NRXN3: variants seen among roughly 807,000 people sequenced by gnomAD.
The protein encoded by NRXN3 is neurexin 3.
NRXN3 carries 32 observed loss-of-function variants against 137.6 expected under a neutral mutation model. The observed-to-expected ratio is 0.23, with a 90% CI of 0.18 to 0.31. NRXN3 has a LOEUF of 0.31. Ranked by LOEUF, NRXN3 falls within the 10% of genes least tolerant of loss-of-function variation. The pLI, the probability that NRXN3 is intolerant of heterozygous loss-of-function variation, is 1.00. For synonymous variants in NRXN3, 798 were observed against 784.5 expected, an observed-to-expected ratio of 1.02 and a Z score of -0.29; for missense variants, 1,574 against 2,062.5, an observed-to-expected ratio of 0.76 and a Z score of 4.59.
intron 10 of NRXN3, among the ~76,000 whole-genome samples, chr14:78,881,257 A>C (rs1411256690): frequency 1.3e-5 from 2 of 151,722 alleles, no homozygotes; most frequent in Admixed American, 1.3e-4. Context: ...AATTGGCACC[A>C]GGTAGTGGGA....
At chr14:78,953,856 C>T (rs1410302726) in intron 10 of NRXN3, among the ~76,000 whole-genome samples, 1 of 152,082 alleles carries the variant, frequency 6.6e-6, no homozygotes, top group African/African-American at 2.4e-5. Flanking sequence ...CATAACTTTC[C>T]TAGTTATTAA....
At chr14:79,358,963 G>A (rs536234773) in intron 15 of NRXN3, among the ~76,000 whole-genome samples, 1 of 152,328 alleles carries the variant, frequency 6.6e-6, no homozygotes, top group Admixed American at 6.5e-5. Flanking sequence ...GGAGATGGGA[G>A]GAAGCTACGG....
chr14:78,317,844 A>C (rs1420576963), intron 4 of NRXN3, among the ~76,000 whole-genome samples: 2 of 152,212 alleles, frequency 1.3e-5, no homozygotes, highest in Non-Finnish European at 2.9e-5. Flanking sequence ...AATAAAGATA[A>C]AAAGATCATA....
chr14:79,144,783 C>T (rs2059139576), intron 15 of NRXN3, among the ~76,000 whole-genome samples: 1 of 152,048 alleles, frequency 6.6e-6, no homozygotes, highest in African/African-American at 2.4e-5. Flanking sequence ...CTTCTTCCCT[C>T]TTTATATCTC....
chr14:78,807,774 A>G lies in NRXN3; in HGVS notation c.2249-2544A>G, dbSNP rs989953593. On this transcript the variant is annotated intron_variant, in intron 9 of 20. Coordinates refer to ENST00000335750, the MANE Select transcript of NRXN3 (RefSeq NM_001330195.2). ...AAAAAAAGAAAGAAAAGAAAAAGAA[A>G]GAGAAAGAAAGAAAAAAACTTTCTA... is the stretch of plus-strand genomic sequence containing the variant. Among the ~76,000 whole-genome samples the G allele has an allele frequency of 8.5e-4, 10 of 11,812 alleles. No homozygotes were observed. In the Non-Finnish European group the frequency reaches 0.052, roughly 61 times the overall value. The allele number at this position is 11,812 out of a possible 152,430, so 7.7% of individuals were successfully genotyped here. A position where few individuals can be genotyped will look rare whatever the true frequency, so the allele number is the denominator to read the frequency against.
At chr14:78,988,378 T>C in intron 15 of NRXN3, 1 of 501,382 alleles carries the variant, frequency 2.0e-6, no homozygotes, top group Non-Finnish European at 3.6e-6. Context: ...TTCTTTAGAT[T>C]AGAATAGCGA....
At chr14:78,452,972 G>A (rs1046407299) in intron 4 of NRXN3, among the ~76,000 whole-genome samples, 1 of 152,192 alleles carries the variant, frequency 6.6e-6, no homozygotes, top group African/African-American at 2.4e-5. Flanking sequence ...GAATGCGAAA[G>A]TTACATTTTC....
At chr14:78,297,975 C>T (rs1026184310) in intron 4 of NRXN3, 115 bp downstream of exon 4, 18 of 1,260,422 alleles carry the variant, frequency 1.4e-5, no homozygotes, top group South Asian at 9.4e-5. Flanking sequence ...GTCCTTCCTG[C>T]GCTGGGCCAG....
rs60310618 is a variant in NRXN3 at position 78,532,030 on chromosome 14, C to T, written c.758-113090C>T. On this transcript the variant is annotated intron_variant, in intron 4 of 20. Coordinates refer to ENST00000335750, the MANE Select transcript of NRXN3 (RefSeq NM_001330195.2). Reference sequence around the variant, plus strand: ...TGCTTCATGGAGAAAACTGGCTAGGCGTGGTGGCTCATGCCTGTAATCCCA... The same window carrying T: ...TGCTTCATGGAGAAAACTGGCTAGGTGTGGTGGCTCATGCCTGTAATCCCA... 8.5e-3 allele frequency among the ~76,000 whole-genome samples: 1,284 copies of T among 151,648 alleles called. 15 individuals carry two copies. Among genetic ancestry groups the T allele is most frequent in the African/African-American group, 0.029 (1,203 of 41,290 alleles).
chr14:79,394,574 A>G (rs1221762691), intron 15 of NRXN3, among the ~76,000 whole-genome samples: 1 of 152,184 alleles, frequency 6.6e-6, no homozygotes, highest in Non-Finnish European at 1.5e-5. Flanking sequence ...TTAACCTGGG[A>G]TGCATGTTAA....
At chr14:78,956,485 T>C (rs2099397003) in intron 10 of NRXN3, among the ~76,000 whole-genome samples, 1 of 152,178 alleles carries the variant, frequency 6.6e-6, no homozygotes, top group Non-Finnish European at 1.5e-5. Flanking sequence ...GACAACTTGG[T>C]TTATTCCTCT....
intron 10 of NRXN3, among the ~76,000 whole-genome samples, chr14:78,813,716 T>G (rs1476967969): frequency 6.6e-6 from 1 of 152,090 alleles, no homozygotes; most frequent in Non-Finnish European, 1.5e-5. Flanking sequence ...AATGGCTATT[T>G]CCAAGGCATT....
chr14:79,314,696 C>A lies in NRXN3; in HGVS notation c.3263-152525C>A, dbSNP rs368026018. On this transcript the variant is annotated intron_variant, in intron 15 of 20. Transcript: ENST00000335750. ...CAGCTTTGAAGAGAGCAGTGGTTCT[C>A]CCAGCACGCAGCTGGAGATCTGAGG... 3.7e-4 allele frequency among the ~76,000 whole-genome samples: 53 copies of A among 143,344 alleles called. No homozygotes were observed. The East Asian group carries it at 9.7e-3, about 26-fold the overall frequency. The allele number at this position is 143,344 out of a possible 152,430, so 94.0% of individuals were successfully genotyped here.
chr14:78,612,920 G>T (rs536038988), intron 4 of NRXN3, among the ~76,000 whole-genome samples: 1 of 152,308 alleles, frequency 6.6e-6, no homozygotes, highest in Admixed American at 6.5e-5. Flanking sequence ...CTGTTGCTTG[G>T]TTTCTTTCCC....
intron 4 of NRXN3, among the ~76,000 whole-genome samples, chr14:78,445,041 G>T (rs1208401828): frequency 6.6e-6 from 1 of 150,382 alleles, no homozygotes; most frequent in Non-Finnish European, 1.5e-5. Context: ...AAAAATAGAA[G>T]AAATTATATC....
rs1198146395 is a variant in NRXN3 at position 79,470,949 on chromosome 14, AGAGTGTGTGTGT to A, written c.3444+3549_3444+3560del. ...GAGAGAGAGAGAGAGAAAGAGAGAG[AGAGTGTGTGTGT>A]GTGTGTGTGTGTGTGTGTGTGTGTG... On this transcript the variant is annotated intron_variant, in intron 16 of 20. Coordinates refer to ENST00000335750, the MANE Select transcript of NRXN3 (RefSeq NM_001330195.2). Among the ~76,000 whole-genome samples the A allele has an allele frequency of 4.1e-3, 235 of 57,386 alleles. 1 individual carries two copies. Among genetic ancestry groups the A allele is most frequent in the African/African-American group, 0.012 (199 of 16,778 alleles). The allele number at this position is 57,386 out of a possible 152,430, so 37.6% of individuals were successfully genotyped here. A position where few individuals can be genotyped will look rare whatever the true frequency, so the allele number is the denominator to read the frequency against.
intron 15 of NRXN3, among the ~76,000 whole-genome samples, chr14:79,140,573 C>CTGTG (rs3035591): frequency 0.19 from 26,886 of 143,704 alleles, 2,873 homozygotes; most frequent in Admixed American, 0.36. Flanking sequence ...CCCCACCTCA[C>CTGTG]TGTGTGTGTG....
chr14:79,116,043 G>T (rs753888774), intron 15 of NRXN3, among the ~76,000 whole-genome samples: 1 of 152,176 alleles, frequency 6.6e-6, no homozygotes, highest in Non-Finnish European at 1.5e-5. Flanking sequence ...GTATAATTAG[G>T]ATTTGAAGAC....
chr14:79,609,520 G>C (rs1026157765), intron 16 of NRXN3, among the ~76,000 whole-genome samples: 2 of 152,168 alleles, frequency 1.3e-5, no homozygotes, highest in African/African-American at 4.8e-5. Flanking sequence ...CATGCAACTA[G>C]GAAGAAAAAA....
Sources: gnomAD v4.1 joint callset for allele counts (sites outside exome capture counted in the v4.1 genomes callset) on GRCh38, gnomAD v4.1.1 for gene constraint, MANE v1.5 for transcripts, NCBI Gene and HGNC (gene_info 2026-07-23, HGNC 2026-07-21) for gene names.